The following GRM1 variants were observed in gnomAD, a reference collection of about 807,000 sequenced individuals.
The protein encoded by GRM1 is glutamate metabotropic receptor 1.
In GRM1, 33 loss-of-function variants were observed where a neutral mutation model predicts 90.9. That is an observed-to-expected ratio of 0.36 (90% confidence interval 0.28 to 0.49). The LOEUF (loss-of-function observed/expected upper bound fraction) is 0.49, where lower values mean the gene tolerates loss of function less well. Among genes scored for constraint, GRM1 ranks in the 20% least tolerant of loss-of-function variants. GRM1 has a pLI of 0.99. For missense variants in GRM1, 1,190 were observed against 1,534.3 expected, an observed-to-expected ratio of 0.78 and a Z score of 3.75; for synonymous variants, 700 against 613.2, an observed-to-expected ratio of 1.14 and a Z score of -2.09.
At chr6:146,304,553 C>A (rs1783508544) in intron 2 of GRM1, 58 bp from the exon 3 acceptor site, 5 of 1,147,110 alleles carry the variant, frequency 4.4e-6, no homozygotes, top group Non-Finnish European at 6.5e-6. Flanking sequence ...TAACTCTGAG[C>A]TCTATTTGTG....
At chr6:146,097,575 G>A (rs973330177) in intron 1 of GRM1, among the ~76,000 whole-genome samples, 5 of 152,152 alleles carry the variant, frequency 3.3e-5, no homozygotes, top group Non-Finnish European at 7.4e-5. Flanking sequence ...AGAAAAGCTA[G>A]AGCTATTTCT....
rs191039209 is a variant in GRM1, at chr6:146,163,572, T to C, written c.950+3975T>C. Among the ~76,000 whole-genome samples, 85 of 152,156 alleles carry C rather than the reference T, an allele frequency of 5.6e-4. 1 individual carries two copies. The highest frequency in any genetic ancestry group is 1.0e-4 in the Non-Finnish European group (7 of 68,016). The stretch of plus-strand genomic sequence containing the variant: ...GGATTTGAAGTTAGGGACTGCAACA[T>C]CAGAATCTGTGCTGTTAATTAGTAA... On this transcript the variant is annotated intron_variant, in intron 2 of 7. Coordinates refer to ENST00000282753, the MANE Select transcript of GRM1 (RefSeq NM_001278064.2).
intron 1 of GRM1, among the ~76,000 whole-genome samples, chr6:146,115,335 A>G (rs1235344189): frequency 2.6e-5 from 4 of 152,074 alleles, no homozygotes; most frequent in Non-Finnish European, 5.9e-5. Flanking sequence ...TTATATATGT[A>G]TAGTCTCTCA....
chr6:146,306,751 G>T (rs1293375971), intron 3 of GRM1, among the ~76,000 whole-genome samples: 1 of 152,186 alleles, frequency 6.6e-6, no homozygotes, highest in Non-Finnish European at 1.5e-5. Context: ...GGGAAGCAAA[G>T]TGGAGAGAAG....
intron 2 of GRM1, among the ~76,000 whole-genome samples, chr6:146,176,368 C>T (rs928674920): frequency 6.6e-6 from 1 of 151,946 alleles, no homozygotes; most frequent in Non-Finnish European, 1.5e-5. Flanking sequence ...ATTGCTGTTT[C>T]AGAATTGTTG....
chr6:146,399,826 C>A lies in GRM1; in HGVS notation c.2660+127C>A. 1.4e-6 allele frequency: 1 copy of A among 696,256 alleles called. No homozygotes were observed. Among genetic ancestry groups the A allele is most frequent in the Non-Finnish European group, 2.5e-6 (1 of 394,330 alleles). 43.1% of individuals were successfully genotyped at this position (696,256 alleles called of 1,614,324 possible). A position where few individuals can be genotyped will look rare whatever the true frequency, so the allele number is the denominator to read the frequency against. On this transcript the variant is annotated intron_variant, in intron 7 of 7. Coordinates refer to ENST00000282753, the MANE Select transcript of GRM1 (RefSeq NM_001278064.2). This position sits in a 1 kb window ranked among gnomAD's most constrained non-coding sequence, Gnocchi z 5.4. Reference sequence around the variant, plus strand: ...GTTTTCTGAGTTGTCTCTTCCATTTCCCCCATGTCTTTCTCTTCCTTTCTT... The same window carrying A: ...GTTTTCTGAGTTGTCTCTTCCATTTACCCCATGTCTTTCTCTTCCTTTCTT...
chr6:146,209,486 A>G (rs1035049539), intron 2 of GRM1, among the ~76,000 whole-genome samples: 1 of 152,192 alleles, frequency 6.6e-6, no homozygotes, highest in Admixed American at 6.5e-5. Flanking sequence ...GAACCATCAC[A>G]TAAAAGGCTG....
intron 1 of GRM1, among the ~76,000 whole-genome samples, chr6:146,071,448 T>C (rs1229838727): frequency 6.6e-6 from 1 of 152,206 alleles, no homozygotes; most frequent in Non-Finnish European, 1.5e-5. Flanking sequence ...ATCAACTTCA[T>C]GCTTAATATA....
intron 1 of GRM1, among the ~76,000 whole-genome samples, chr6:146,053,285 G>A (rs1175028677): frequency 6.6e-6 from 1 of 151,954 alleles, no homozygotes; most frequent in Admixed American, 6.6e-5. Flanking sequence ...TTTTGTACAA[G>A]GTTTTGCCCA....
chr6:146,099,535 T>G (rs975791809), intron 1 of GRM1, among the ~76,000 whole-genome samples: 4 of 152,208 alleles, frequency 2.6e-5, no homozygotes, highest in Non-Finnish European at 5.9e-5. Context: ...ATTCCTTTCC[T>G]CTACTGCTTA....
chr6:146,039,364 A>G (rs1791013096), intron 1 of GRM1, among the ~76,000 whole-genome samples: 1 of 152,038 alleles, frequency 6.6e-6, no homozygotes, highest in Non-Finnish European at 1.5e-5. Context: ...AAATATGCTC[A>G]GGGACCTCTA....
chr6:146,303,652 A>G (rs1783472620), intron 2 of GRM1, among the ~76,000 whole-genome samples: 2 of 152,132 alleles, frequency 1.3e-5, no homozygotes, highest in Admixed American at 1.3e-4. Context: ...GCAAACACAG[A>G]TGCCTAATCA....
At chr6:146,108,537 A>G (rs1562467957) in intron 1 of GRM1, among the ~76,000 whole-genome samples, 2 of 152,206 alleles carry the variant, frequency 1.3e-5, no homozygotes, top group African/African-American at 4.8e-5. Context: ...TGTAAGTCCA[A>G]TAAACCTCTT....
At chr6:146,094,619 A>G (rs1486023832) in intron 1 of GRM1, among the ~76,000 whole-genome samples, 2 of 152,162 alleles carry the variant, frequency 1.3e-5, no homozygotes, top group African/African-American at 4.8e-5. Context: ...TGTTAATGGT[A>G]TGATGACAAA....
intron 2 of GRM1, among the ~76,000 whole-genome samples, chr6:146,271,242 G>A (rs1433207326): frequency 1.3e-5 from 2 of 151,956 alleles, no homozygotes; most frequent in East Asian, 1.9e-4. Context: ...CTGACCTCAT[G>A]ATCTGCCTGC....
intron 2 of GRM1, among the ~76,000 whole-genome samples, chr6:146,268,322 A>G (rs986475428): frequency 2.0e-5 from 3 of 152,126 alleles, no homozygotes; most frequent in African/African-American, 7.2e-5. Context: ...ATGTCCACTT[A>G]TGTTTATGCT....
intron 3 of GRM1, among the ~76,000 whole-genome samples, chr6:146,317,429 A>C (rs1003283024): frequency 2.0e-5 from 3 of 152,162 alleles, no homozygotes; most frequent in African/African-American, 4.8e-5. Context: ...ATGTCCTTTT[A>C]GACCCTGGTC....
At chr6:146,086,961 C>G (rs1055424650) in intron 1 of GRM1, among the ~76,000 whole-genome samples, 1 of 152,026 alleles carries the variant, frequency 6.6e-6, no homozygotes, top group Admixed American at 6.6e-5. Flanking sequence ...TCCCTAAGTG[C>G]AGATTTCCCC....
chr6:146,275,959 A>G (rs1257633217), intron 2 of GRM1, among the ~76,000 whole-genome samples: 2 of 152,094 alleles, frequency 1.3e-5, no homozygotes, highest in African/African-American at 2.4e-5. Context: ...TTATTTTCCA[A>G]TAGATGAGGA....
Sources: allele counts gnomAD v4.1 joint callset (sites outside exome capture counted in the v4.1 genomes callset), GRCh38; gene constraint gnomAD v4.1.1; non-coding constraint Gnocchi (gnomAD v3.1); transcripts MANE v1.5; gene names NCBI Gene and HGNC (gene_info 2026-07-23, HGNC 2026-07-21).